Variants in ZZEF1 observed in about 807,000 individuals in gnomAD.
The protein encoded by ZZEF1 is zinc finger ZZ-type and EF-hand domain-containing protein 1.
In ZZEF1, 157 loss-of-function variants were observed where a neutral mutation model predicts 342.8. The ratio of observed to expected loss-of-function variants is 0.46; its 90% confidence interval spans 0.40 to 0.52. The LOEUF is 0.52. ZZEF1 is among the 20% of genes least tolerant of loss of function. The pLI, the probability that ZZEF1 is intolerant of heterozygous loss-of-function variation, is 0.00. For synonymous variants in ZZEF1, 1,505 were observed against 1,429.1 expected, an observed-to-expected ratio of 1.05 and a Z score of -1.20; for missense variants, 3,480 against 3,725.6, an observed-to-expected ratio of 0.93 and a Z score of 1.72.
At chr17:4,101,731 A>G (rs1403702307) in intron 9 of ZZEF1, among the ~76,000 whole-genome samples, 1 of 152,084 alleles carries the variant, frequency 6.6e-6, no homozygotes, top group African/African-American at 2.4e-5. Flanking sequence ...GGTTCAAGTG[A>G]TTCTCATGCC....
intron 37 of ZZEF1, among the ~76,000 whole-genome samples, chr17:4,045,323 G>A (rs966459546): frequency 6.6e-6 from 1 of 152,138 alleles, no homozygotes; most frequent in African/African-American, 2.4e-5. Flanking sequence ...AAAAGACAAA[G>A]CTATGAAATT....
chr17:4,077,074 C>T, intron 19 of ZZEF1, 85 bp from the exon 20 acceptor site: 1 of 1,318,290 alleles, frequency 7.6e-7, no homozygotes, highest in Non-Finnish European at 9.9e-7. Context: ...AATAAAGAGA[C>T]TCCAGAAGCT....
chr17:4,025,738 C>A (rs1005648655), intron 42 of ZZEF1, among the ~76,000 whole-genome samples: 4 of 149,804 alleles, frequency 2.7e-5, no homozygotes, highest in African/African-American at 7.4e-5. Flanking sequence ...CAAGACAGAA[C>A]AAGAGAGACT....
At chr17:4,107,219 A>G (rs1049242123) in intron 6 of ZZEF1, among the ~76,000 whole-genome samples, 1 of 152,228 alleles carries the variant, frequency 6.6e-6, no homozygotes, top group Non-Finnish European at 1.5e-5. Context: ...GCAGGAGTGC[A>G]TGAAAATATC....
At chr17:4,063,061 C>A in intron 29 of ZZEF1, 144 bp from the exon 30 acceptor site, 2 of 751,722 alleles carry the variant, frequency 2.7e-6, no homozygotes, top group South Asian at 2.8e-5. Context: ...GGAGAAGTAC[C>A]AATACCTCTT....
At chr17:4,109,009 G>A (rs2058253904) in intron 6 of ZZEF1, among the ~76,000 whole-genome samples, 1 of 152,140 alleles carries the variant, frequency 6.6e-6, no homozygotes, top group South Asian at 2.1e-4. Context: ...TTTCAGTGCT[G>A]CTATAGCTGG....
chr17:4,025,124 G>A lies in ZZEF1; in HGVS notation c.6893-6C>T. On this transcript the variant is annotated splice_polypyrimidine_tract_variant and splice_region_variant and intron_variant, in intron 42 of 54. Coordinates refer to ENST00000381638, the MANE Select transcript of ZZEF1 (RefSeq NM_015113.4). The stretch of plus-strand genomic sequence containing the variant: ...GACCAGCTGGTAGTCCTTCACTGAA[G>A]GGTGACATCAGGCAGAAAAAGAAAG... The A allele has an allele frequency of 6.2e-7, 1 of 1,613,872 alleles. No individual in the cohort carries two copies. The highest frequency in any genetic ancestry group is 2.2e-5 in the East Asian group (1 of 44,886).
At chr17:4,134,826 G>T (rs7220306) in intron 1 of ZZEF1, among the ~76,000 whole-genome samples, 1 of 151,960 alleles carries the variant, frequency 6.6e-6, no homozygotes, top group Admixed American at 6.6e-5. Flanking sequence ...TAGGGGAAAT[G>T]GCCCAGAAAA....
At chr17:4,127,830 G>A (rs756116248) in intron 1 of ZZEF1, among the ~76,000 whole-genome samples, 1 of 152,176 alleles carries the variant, frequency 6.6e-6, no homozygotes, top group Non-Finnish European at 1.5e-5. Context: ...GACTGGAAAA[G>A]TATTCTCTGG....
chr17:4,066,308 C>T, intron 28 of ZZEF1, 139 bp downstream of exon 28: 1 of 723,908 alleles, frequency 1.4e-6, no homozygotes, highest in Non-Finnish European at 2.4e-6. Flanking sequence ...TCCTTGGATA[C>T]TATATTTAGC....
chr17:4,026,615 A>G (rs1033522839), intron 42 of ZZEF1, among the ~76,000 whole-genome samples: 6 of 149,392 alleles, frequency 4.0e-5, no homozygotes, highest in Middle Eastern at 3.4e-3. Flanking sequence ...TCCACCTCCC[A>G]GGTTCAAGTG....
chr17:4,012,886 T>C (rs995594771), intron 52 of ZZEF1, among the ~76,000 whole-genome samples: 4 of 152,132 alleles, frequency 2.6e-5, no homozygotes, highest in African/African-American at 4.8e-5. Context: ...TACCTAGTAA[T>C]AAATTTAACA....
At chr17:4,121,716 T>C (rs908466717) in intron 2 of ZZEF1, among the ~76,000 whole-genome samples, 1 of 150,788 alleles carries the variant, frequency 6.6e-6, no homozygotes, top group African/African-American at 2.5e-5. Flanking sequence ...TGAAGGAGAA[T>C]GGAGATACAC....
In ZZEF1 at chr17:4,014,849, G is replaced by A. The variant is rs1211017078; in HGVS notation, c.8146-334C>T. ...AGTGCATGGGGTGCATTTCAGACAG[G>A]GTAACAGCCCTGTGAAGGTCTAGCA... On this transcript the variant is annotated intron_variant, in intron 49 of 54. Transcript: ENST00000381638. This position sits in a 1 kb window ranked among gnomAD's most constrained non-coding sequence, Gnocchi z 4.4. Among the ~76,000 whole-genome samples the A allele has an allele frequency of 6.6e-6, 1 of 152,214 alleles. No homozygotes were observed. Among genetic ancestry groups the A allele is most frequent in the Non-Finnish European group, 1.5e-5 (1 of 68,036 alleles).
chr17:4,005,360 T>C lies in ZZEF1; in HGVS notation c.*1530A>G, dbSNP rs548506368. ...AAGCCACAGGAACCAGGCCAGGCCT[T>C]TCCACCAGGGCAATGGCCTCAGTCC... On this transcript the variant is annotated 3_prime_UTR_variant, in exon 55 of 55. Coordinates refer to ENST00000381638, the MANE Select transcript of ZZEF1 (RefSeq NM_015113.4). The C allele has an allele frequency of 6.6e-6, 1 of 152,514 alleles. No homozygotes were observed. Among genetic ancestry groups the C allele is most frequent in the East Asian group, 1.9e-4 (1 of 5,182 alleles). 9.4% of individuals were successfully genotyped at this position (152,514 alleles called of 1,614,324 possible). A position where few individuals can be genotyped will look rare whatever the true frequency, so the allele number is the denominator to read the frequency against.
chr17:4,087,720 T>C (rs1480464475), intron 13 of ZZEF1, among the ~76,000 whole-genome samples, 186 bp from the exon 14 acceptor site: 1 of 152,014 alleles, frequency 6.6e-6, no homozygotes, highest in Non-Finnish European at 1.5e-5. Context: ...TTTGAAACTT[T>C]CTAAAATATA....
chr17:4,085,311 G>A (rs2057798341), intron 16 of ZZEF1, among the ~76,000 whole-genome samples: 1 of 152,042 alleles, frequency 6.6e-6, no homozygotes, highest in Non-Finnish European at 1.5e-5. Context: ...GTACATTTGG[G>A]GGACAGGGGC....
chr17:4,058,282 T>A (rs2057210713), intron 31 of ZZEF1, 127 bp from the exon 32 acceptor site: 3 of 1,022,876 alleles, frequency 2.9e-6, no homozygotes, highest in Non-Finnish European at 4.2e-6. Context: ...CTGGTTTGGG[T>A]TCCTTTCAAA....
At chr17:4,048,873 A>ATTTTTT (rs71144157) in intron 37 of ZZEF1, among the ~76,000 whole-genome samples, 5,197 of 133,498 alleles carry the variant, frequency 0.039, 110 homozygotes, top group Non-Finnish European at 0.056. Context: ...AGCCTGGATA[A>ATTTTTT]TTTTTTTTTT....
Sources: allele counts gnomAD v4.1 joint callset (sites outside exome capture counted in the v4.1 genomes callset), GRCh38; gene constraint gnomAD v4.1.1; non-coding constraint Gnocchi (gnomAD v3.1); transcripts MANE v1.5; gene names NCBI Gene and HGNC (gene_info 2026-07-23, HGNC 2026-07-21).